Variants in KLHDC8A observed in about 807,000 individuals in gnomAD.
KLHDC8A encodes kelch domain-containing protein 8A.
KLHDC8A carries 21 observed loss-of-function variants against 33.1 expected under a neutral mutation model. That is an observed-to-expected ratio of 0.64 (90% CI 0.45 to 0.91). The LOEUF is 0.91. KLHDC8A is among the 40% of genes least tolerant of loss of function. The pLI, the probability that KLHDC8A is intolerant of heterozygous loss-of-function variation, is 0.00. For synonymous variants in KLHDC8A, 173 were observed against 193.5 expected, an observed-to-expected ratio of 0.89 and a Z score of 0.88; for missense variants, 435 against 483.3, an observed-to-expected ratio of 0.90 and a Z score of 0.94.
At position 205,356,776 on chromosome 1, in the gene KLHDC8A, C is replaced by T; in HGVS notation, c.-433G>A. The T allele has an allele frequency of 3.2e-6, 1 of 309,956 alleles. No homozygotes were observed. Among genetic ancestry groups the T allele is most frequent in the South Asian group, 2.6e-5 (1 of 38,324 alleles). 19.2% of individuals were successfully genotyped at this position (309,956 alleles called of 1,614,324 possible). Reference sequence around the variant, plus strand: ...CCCTATGCACAGGGCATGGGGCCAGCCCCGCCCTGAATGCACAGAAACTTG... The same window carrying T: ...CCCTATGCACAGGGCATGGGGCCAGTCCCGCCCTGAATGCACAGAAACTTG... On this transcript the variant is annotated 5_prime_UTR_variant, in exon 1 of 6. Coordinates refer to ENST00000367155, the MANE Select transcript of KLHDC8A (RefSeq NM_018203.3).
chr1:205,343,614 G>A lies in KLHDC8A; in HGVS notation c.-10C>T. 6.4e-7 allele frequency: 1 copy of A among 1,561,962 alleles called. No homozygotes were observed. The highest frequency in any genetic ancestry group is 1.4e-5 in the African/African-American group (1 of 73,330). On this transcript the variant is annotated 5_prime_UTR_variant, in exon 2 of 6. Transcript: ENST00000367155. ...CGTTAGGCACCTCCATGGCAGCCTT[G>A]GGGAGCGCCCGGGCGCCGGGAGAGG...
At chr1:205,341,542 A>G (rs1443872632) in intron 2 of KLHDC8A, among the ~76,000 whole-genome samples, 1 of 152,094 alleles carries the variant, frequency 6.6e-6, no homozygotes, top group Non-Finnish European at 1.5e-5. Context: ...TTTCAGACCC[A>G]TCTGGGCGTC....
chr1:205,339,618 G>A lies in KLHDC8A; in HGVS notation c.541+26C>T. On this transcript the variant is annotated intron_variant, in intron 3 of 5. Transcript: ENST00000367155. This position sits in a 1 kb window ranked among gnomAD's most constrained non-coding sequence, Gnocchi z 5.1. ...TGAGCCAAGGGAAGGAAGGAGGGTAGGTATAGAACAGTAACCTGTCCTTAC... is the reference window on the plus strand; with the variant it reads ...TGAGCCAAGGGAAGGAAGGAGGGTAAGTATAGAACAGTAACCTGTCCTTAC... 6.2e-7 allele frequency: 1 copy of A among 1,610,474 alleles called. No homozygotes were observed. The highest frequency in any genetic ancestry group is 8.5e-7 in the Non-Finnish European group (1 of 1,177,230).
intron 2 of KLHDC8A, among the ~76,000 whole-genome samples, chr1:205,340,318 T>C (rs1034373871): frequency 6.6e-6 from 1 of 152,154 alleles, no homozygotes; most frequent in Non-Finnish European, 1.5e-5. Flanking sequence ...CCCAGCTGCC[T>C]GGGTCTTTTG....
rs750652239 is a variant in KLHDC8A at position 205,339,676 on chromosome 1, G to A, written c.509C>T (p.Ser170Phe). The A allele has an allele frequency of 6.2e-7, 1 of 1,614,204 alleles. No individual in the cohort carries two copies. Among genetic ancestry groups the A allele is most frequent in the Middle Eastern group, 1.6e-4 (1 of 6,062 alleles). The change falls in exon 3 of 6, where the codon TCC becomes TTC. Residue 170 changes from serine (S) to phenylalanine (F), a missense_variant. Ser to Phe is a radical substitution (Grantham distance 155). Coordinates refer to ENST00000367155, the MANE Select transcript of KLHDC8A (RefSeq NM_018203.3). The surrounding 1 kb of genome is among the most constrained non-coding windows in gnomAD (Gnocchi z 5.1). ...GTAGATCTTGGAGCCTCGGAGGAAG[G>A]AGGTGGCAGCATATCTCGGGGTGGG... ...PMPTPRYAAT[S>F]FLRGSKIYVL...
At chr1:205,338,876 G>A (rs890621929) in intron 4 of KLHDC8A, among the ~76,000 whole-genome samples, 5 of 152,068 alleles carry the variant, frequency 3.3e-5, no homozygotes, top group African/African-American at 1.2e-4. Flanking sequence ...GAGGAGTCAG[G>A]ATCCTTCTGT....
At chr1:205,351,036 T>C (rs989045285) in intron 1 of KLHDC8A, among the ~76,000 whole-genome samples, 2 of 152,180 alleles carry the variant, frequency 1.3e-5, no homozygotes, top group Non-Finnish European at 2.9e-5. Flanking sequence ...CCGGAGTCCC[T>C]CTTCCTAGGA....
At position 205,337,495 on chromosome 1, in the gene KLHDC8A, G is replaced by A. The variant is rs947677082; in HGVS notation, c.957C>T (p.Cys319=). 1 of 1,613,978 alleles carries A rather than the reference G, an allele frequency of 6.2e-7. No homozygotes were observed. The highest frequency in any genetic ancestry group is 8.5e-7 in the Non-Finnish European group (1 of 1,179,918). Residue 319 remains cysteine, a synonymous_variant, in exon 6 of 6, where the codon TGC becomes TGT. Transcript: ENST00000367155. The stretch of plus-strand genomic sequence containing the variant: ...GGCAGTTCTTGACGACTATGCTGGA[G>A]CAGGCACAGCGGGGTGTGGGCATGG... ...LPAMPTPRCA[C]SSIVVKNCLL...
intron 1 of KLHDC8A, among the ~76,000 whole-genome samples, chr1:205,352,579 C>T (rs1359598621): frequency 2.6e-5 from 4 of 152,102 alleles, no homozygotes; most frequent in Non-Finnish European, 4.4e-5. Flanking sequence ...GTGCTGGAGA[C>T]GGGAGAGGGC....
At chr1:205,347,786 G>A (rs1662987337) in intron 1 of KLHDC8A, among the ~76,000 whole-genome samples, 1 of 152,118 alleles carries the variant, frequency 6.6e-6, no homozygotes, top group African/African-American at 2.4e-5. Context: ...ATTAAGGGAG[G>A]GAAAAGTCAT....
In KLHDC8A at chr1:205,337,086, G is replaced by T. The variant is rs181361794; in HGVS notation, c.*313C>A. The stretch of plus-strand genomic sequence containing the variant: ...TACCTGCCTCCTGGAGATGGGGGTG[G>T]GGGGAGGTGGGACTCACAGGAGGGA... On this transcript the variant is annotated 3_prime_UTR_variant, in exon 6 of 6. Coordinates refer to ENST00000367155, the MANE Select transcript of KLHDC8A (RefSeq NM_018203.3). 490 of 350,952 alleles carry T rather than the reference G, an allele frequency of 1.4e-3. 2 individuals carry two copies. The highest frequency in any genetic ancestry group is 9.9e-3 in the African/African-American group (458 of 46,362). 21.7% of individuals were successfully genotyped at this position (350,952 alleles called of 1,614,324 possible).
intron 1 of KLHDC8A, among the ~76,000 whole-genome samples, chr1:205,352,337 C>G (rs1663136408): frequency 6.6e-6 from 1 of 152,074 alleles, no homozygotes; most frequent in African/African-American, 2.4e-5. Flanking sequence ...GGCTTTTGCT[C>G]TCTCCTCACC....
intron 1 of KLHDC8A, among the ~76,000 whole-genome samples, chr1:205,346,471 C>A (rs576842867): frequency 6.6e-6 from 1 of 152,318 alleles, no homozygotes; most frequent in South Asian, 2.1e-4. Flanking sequence ...TTCACCACCC[C>A]AGCTGGGGCA....
intron 2 of KLHDC8A, among the ~76,000 whole-genome samples, chr1:205,340,221 C>G (rs1285135520): frequency 2.6e-5 from 4 of 151,888 alleles, no homozygotes; most frequent in Admixed American, 2.6e-4. Flanking sequence ...TGTCATGTTG[C>G]CCAGGCTGGT....
At position 205,339,254 on chromosome 1, in the gene KLHDC8A, C is replaced by A; in HGVS notation, c.697G>T (p.Gly233Cys). 1 of 1,614,220 alleles carries A rather than the reference C, an allele frequency of 6.2e-7. No individual in the cohort carries two copies. Among genetic ancestry groups the A allele is most frequent in the African/African-American group, 1.3e-5 (1 of 75,066 alleles). ...AACTTGGGCTGCCGGTAGAGGCGAC[C>A]TTGCCGCAGGCCTCCTAGGCTGTAC... ...HLYSLGGLRQGRLYRQPKFLR... is the reference protein window; with the variant it reads ...HLYSLGGLRQCRLYRQPKFLR... Residue 233 changes from glycine to cysteine, a missense_variant, in exon 4 of 6, where the codon GGT becomes TGT. By Grantham distance (159) the Gly-to-Cys change is radical. Transcript: ENST00000367155. This position sits in a 1 kb window ranked among gnomAD's most constrained non-coding sequence, Gnocchi z 5.1.
intron 1 of KLHDC8A, among the ~76,000 whole-genome samples, chr1:205,348,789 C>A (rs916808347): frequency 6.6e-6 from 1 of 152,132 alleles, no homozygotes; most frequent in African/African-American, 2.4e-5. Flanking sequence ...AGATAGGCAG[C>A]CTTACCAGGG....
In KLHDC8A at chr1:205,339,853, C is replaced by G. The variant is rs1464554983; in HGVS notation, c.377-45G>C. 6.3e-7 allele frequency: 1 copy of G among 1,581,514 alleles called. No homozygotes were observed. The highest frequency in any genetic ancestry group is 1.3e-5 in the African/African-American group (1 of 74,510). On this transcript the variant is annotated intron_variant, in intron 2 of 5. Coordinates refer to ENST00000367155, the MANE Select transcript of KLHDC8A (RefSeq NM_018203.3). The surrounding 1 kb of genome is among the most constrained non-coding windows in gnomAD (Gnocchi z 5.1). ...ATGCCCCTGGCTTAGCTCACAGGTA[C>G]AGCAAGACAGGCCCACCAGCATCTA...
intron 1 of KLHDC8A, among the ~76,000 whole-genome samples, chr1:205,350,037 T>TA: frequency 6.6e-6 from 1 of 152,272 alleles, no homozygotes; most frequent in Non-Finnish European, 1.5e-5. Context: ...AAGAAGCATT[T>TA]AGCCATAGTG....
At position 205,343,440 on chromosome 1, in the gene KLHDC8A, C is replaced by T; in HGVS notation, c.165G>A (p.Glu55=). 1 of 1,613,526 alleles carries T rather than the reference C, an allele frequency of 6.2e-7. No homozygotes were observed. The highest frequency in any genetic ancestry group is 1.1e-5 in the South Asian group (1 of 91,088). Reference sequence around the variant, plus strand: ...GGGGCAAGGCGGTCCACTGGTCGGCCTCCGGGGAGTAGACCTCGAAGCAGT... The same window carrying T: ...GGGGCAAGGCGGTCCACTGGTCGGCTTCCGGGGAGTAGACCTCGAAGCAGT... ...PMDCFEVYSP[E]ADQWTALPRL... The change falls in exon 2 of 6, where the codon GAG becomes GAA. Residue 55 remains glutamate (E), a synonymous_variant. Transcript: ENST00000367155.
Sources: gnomAD v4.1 joint callset for allele counts (sites outside exome capture counted in the v4.1 genomes callset) on GRCh38, gnomAD v4.1.1 for gene constraint, Gnocchi (gnomAD v3.1) non-coding constraint, MANE v1.5 for transcripts, NCBI Gene and HGNC (gene_info 2026-07-23, HGNC 2026-07-21) for gene names.